Variants in MAGI2 observed in about 807,000 individuals in gnomAD.
MAGI2 encodes membrane associated guanylate kinase, WW and PDZ domain containing 2.
In MAGI2, 35 loss-of-function variants were observed where a neutral mutation model predicts 133.3. That is an observed-to-expected ratio of 0.26 (90% CI 0.20 to 0.35). The LOEUF (loss-of-function observed/expected upper bound fraction) is 0.35, where lower values mean the gene tolerates loss of function less well. Ranked by LOEUF, MAGI2 falls within the 10% of genes least tolerant of loss-of-function variation. The probability of loss-of-function intolerance (pLI) is 1.00; values close to 1 mark genes in which losing one functional copy is unlikely to be tolerated. For synonymous variants in MAGI2, 729 were observed against 710.6 expected (o/e 1.03, Z -0.41); for missense variants, 1,636 against 1,863.4 (o/e 0.88, Z 2.25).
At chr7:79,281,516 A>G (rs998267986) in intron 1 of MAGI2, among the ~76,000 whole-genome samples, 1 of 141,024 alleles carries the variant, frequency 7.1e-6, no homozygotes, top group Non-Finnish European at 1.6e-5. Context: ...GCCAAAACAA[A>G]GTAAAACACT....
Position 78,555,170 on chromosome 7 carries a change from A to AAATGAATG in MAGI2, c.539-33533_539-33526dup, listed in dbSNP as rs373305724. On this transcript the variant is annotated intron_variant, in intron 3 of 21. Transcript: ENST00000354212. ...TAAATAAATAAATAAATAAATAAATAAATGAATGATAGAGGACGGTTGGAT... is the reference window on the plus strand; with the variant it reads ...TAAATAAATAAATAAATAAATAAATAAATGAATGAATGAATGATAGAGGACGGTTGGAT... Among the ~76,000 whole-genome samples the AAATGAATG allele has an allele frequency of 7.1e-3, 468 of 66,208 alleles. 3 individuals are homozygous for AAATGAATG. The highest frequency in any genetic ancestry group is 0.014 in the African/African-American group (455 of 32,760). 43.4% of individuals were successfully genotyped at this position (66,208 alleles called of 152,430 possible).
chr7:79,360,821 GC>G (rs1451641088), intron 1 of MAGI2, among the ~76,000 whole-genome samples: 3 of 151,798 alleles, frequency 2.0e-5, no homozygotes, highest in Non-Finnish European at 2.9e-5. Flanking sequence ...GAAAGAAGAA[GC>G]AAACAAAAAC....
intron 1 of MAGI2, among the ~76,000 whole-genome samples, chr7:79,081,732 G>A (rs1816053963): frequency 6.6e-6 from 1 of 151,988 alleles, no homozygotes; most frequent in Non-Finnish European, 1.5e-5. Flanking sequence ...TATCAAGAGG[G>A]GATAATATTC....
At chr7:78,964,164 T>A (rs2115840045) in intron 2 of MAGI2, among the ~76,000 whole-genome samples, 1 of 152,118 alleles carries the variant, frequency 6.6e-6, no homozygotes, top group Admixed American at 6.6e-5. Context: ...ATTTTTTTTC[T>A]GTACTGTAAT....
At position 78,143,144 on chromosome 7, in the gene MAGI2, G is replaced by A. The variant is rs1822936942; in HGVS notation, c.2846-7938C>T. On this transcript the variant is annotated intron_variant, in intron 16 of 21. Coordinates refer to ENST00000354212, the MANE Select transcript of MAGI2 (RefSeq NM_012301.4). ...GGTGAAATTCTATTGTTCAACTAGA[G>A]TAATTTTAGTTAGTAAAATTGTGTA... Among the ~76,000 whole-genome samples the A allele has an allele frequency of 2.0e-5, 3 of 152,328 alleles. No homozygotes were observed. The South Asian group carries it at 6.2e-4, about 32-fold the overall frequency.
intron 2 of MAGI2, among the ~76,000 whole-genome samples, chr7:78,933,110 C>CTT (rs1389371800): frequency 1.3e-5 from 2 of 152,026 alleles, no homozygotes; most frequent in Admixed American, 6.6e-5. Context: ...GTTCCCAATC[C>CTT]TTTTGTTCCA....
intron 6 of MAGI2, among the ~76,000 whole-genome samples, chr7:78,447,248 T>G (rs964058251): frequency 6.6e-6 from 1 of 152,014 alleles, no homozygotes; most frequent in Non-Finnish European, 1.5e-5. Flanking sequence ...AGTGCAATGT[T>G]TTGATATATG....
In MAGI2 at chr7:78,990,873, A is replaced by G. The variant is rs141458744; in HGVS notation, c.418+16217T>C. On this transcript the variant is annotated intron_variant, in intron 2 of 21. Transcript: ENST00000354212. ...GCACAGGTGTTATGTATGTCCTATT[A>G]TTTTACTGAAATAAGAGATTTTATA... Among the ~76,000 whole-genome samples the G allele has an allele frequency of 9.3e-3, 1,399 of 150,298 alleles. 19 individuals carry two copies. Among genetic ancestry groups the G allele is most frequent in the African/African-American group, 0.032 (1,304 of 40,896 alleles).
At chr7:78,144,634 T>A (rs1823107983) in intron 16 of MAGI2, among the ~76,000 whole-genome samples, 1 of 152,208 alleles carries the variant, frequency 6.6e-6, no homozygotes, top group Non-Finnish European at 1.5e-5. Context: ...AATTTATTCC[T>A]CTGAAGACTT....
At chr7:78,786,382 C>A (rs1826822040) in intron 2 of MAGI2, among the ~76,000 whole-genome samples, 2 of 152,172 alleles carry the variant, frequency 1.3e-5, no homozygotes, top group African/African-American at 4.8e-5. Context: ...AAACCTAAGT[C>A]CAATCCTATG....
At chr7:78,456,883 T>C (rs1395176027) in intron 6 of MAGI2, 1 of 152,200 alleles carries the variant, frequency 6.6e-6, no homozygotes, top group African/African-American at 2.4e-5. Flanking sequence ...ATTATCCTCT[T>C]TTAGTATTCT....
At chr7:78,729,318 T>C (rs1407126675) in intron 2 of MAGI2, among the ~76,000 whole-genome samples, 1 of 152,120 alleles carries the variant, frequency 6.6e-6, no homozygotes, top group Non-Finnish European at 1.5e-5. Flanking sequence ...GTTCAGCAAA[T>C]TTCTTCAAAG....
chr7:78,587,602 A>G (rs1803560756), intron 3 of MAGI2, among the ~76,000 whole-genome samples: 1 of 152,170 alleles, frequency 6.6e-6, no homozygotes, highest in African/African-American at 2.4e-5. Flanking sequence ...ATACAGTCCA[A>G]CTGAGTGTTT....
chr7:78,619,832 G>A (rs1807533497), intron 3 of MAGI2, among the ~76,000 whole-genome samples: 2 of 151,860 alleles, frequency 1.3e-5, no homozygotes, highest in South Asian at 4.1e-4. Flanking sequence ...ACTTCACTAT[G>A]TTTTCTTCTA....
At chr7:78,854,966 C>T (rs1292856768) in intron 2 of MAGI2, among the ~76,000 whole-genome samples, 1 of 152,108 alleles carries the variant, frequency 6.6e-6, no homozygotes, top group African/African-American at 2.4e-5. Context: ...AGCAATTCTA[C>T]CTTACCTTCC....
chr7:79,307,981 C>A (rs1411509071), intron 1 of MAGI2, among the ~76,000 whole-genome samples: 3 of 152,128 alleles, frequency 2.0e-5, no homozygotes, highest in Non-Finnish European at 4.4e-5. Context: ...GTTCCACATT[C>A]CTACAGAAAA....
intron 14 of MAGI2, among the ~76,000 whole-genome samples, chr7:78,177,184 G>A (rs1284017082): frequency 6.6e-6 from 1 of 152,062 alleles, no homozygotes; most frequent in Non-Finnish European, 1.5e-5. Context: ...AGCTAGGATG[G>A]AGTTCAGGTG....
intron 2 of MAGI2, among the ~76,000 whole-genome samples, chr7:78,699,740 T>C (rs1439651321): frequency 2.0e-5 from 3 of 152,184 alleles, no homozygotes; most frequent in Non-Finnish European, 2.9e-5. Context: ...CTTGTTTTTA[T>C]AATCATATAT....
chr7:78,397,103 T>C (rs1796414973), intron 6 of MAGI2, among the ~76,000 whole-genome samples: 1 of 152,062 alleles, frequency 6.6e-6, no homozygotes, highest in Non-Finnish European at 1.5e-5. Context: ...AGAGTTTTCA[T>C]GAGAATGTTT....
Sources: gnomAD v4.1 joint callset for allele counts (sites outside exome capture counted in the v4.1 genomes callset) on GRCh38, gnomAD v4.1.1 for gene constraint, MANE v1.5 for transcripts, NCBI Gene and HGNC (gene_info 2026-07-23, HGNC 2026-07-21) for gene names.